The following EHBP1 variants were observed in gnomAD, a reference collection of about 807,000 sequenced individuals.
The protein encoded by EHBP1 is EH domain binding protein 1, also known as EH domain-binding protein 1.
Under a neutral mutation model 144.0 loss-of-function variants are expected in EHBP1, and 55 were observed. The ratio of observed to expected loss-of-function variants is 0.38; its 90% confidence interval spans 0.31 to 0.48. EHBP1 has a LOEUF of 0.48. Among genes scored for constraint, EHBP1 ranks in the 20% least tolerant of loss-of-function variants. The pLI is 0.98. For synonymous variants in EHBP1, 469 were observed against 472.7 expected (o/e 0.99, Z 0.10); for missense variants, 1,200 against 1,364.2 (o/e 0.88, Z 1.90).
At chr2:62,824,715 G>T (rs938975942) in intron 5 of EHBP1, among the ~76,000 whole-genome samples, 1 of 151,966 alleles carries the variant, frequency 6.6e-6, no homozygotes, top group Non-Finnish European at 1.5e-5. Flanking sequence ...TAATCTGACA[G>T]ATAAGGCCAC....
chr2:62,826,087 G>A lies in EHBP1; in HGVS notation c.313G>A (p.Glu105Lys). 1 of 1,442,182 alleles carries A rather than the reference G, an allele frequency of 6.9e-7. No individual in the cohort carries two copies. The allele number at this position is 1,442,182 out of a possible 1,614,324, so 89.3% of individuals were successfully genotyped here. A position where few individuals can be genotyped will look rare whatever the true frequency, so the allele number is the denominator to read the frequency against. ...ACTTTTTTTTTCTTTAATCTTCCAG[G>A]AATCCCCTTCTGGTCGAAGGAAAGC... ...DKEWTFVIEN[E>K]SPSGRRKALA... is the part of the protein sequence containing the mutation. The change falls in exon 6 of 23, where the codon GAA becomes AAA. Residue 105 changes from glutamate to lysine, a missense_variant and splice_region_variant. By Grantham distance (56) the Glu-to-Lys change is moderately conservative (BLOSUM62 1). Around this residue, in one of 6 missense-constraint regions of EHBP1, gnomAD observed 137 missense variants for 190.1 expected, o/e 0.72. Coordinates refer to ENST00000431489, the MANE Select transcript of EHBP1 (RefSeq NM_001142616.3).
intron 9 of EHBP1, among the ~76,000 whole-genome samples, chr2:62,867,437 C>A (rs1353713393): frequency 6.6e-6 from 1 of 151,888 alleles, no homozygotes; most frequent in Non-Finnish European, 1.5e-5. Context: ...TCTGTAGTCA[C>A]AATGAACAAT....
intron 12 of EHBP1, among the ~76,000 whole-genome samples, chr2:62,944,405 T>C (rs1482742780): frequency 6.6e-6 from 1 of 152,222 alleles, no homozygotes; most frequent in African/African-American, 2.4e-5. Context: ...CTTTTCTATG[T>C]TTAGATACAC....
At chr2:63,030,291 A>G (rs1421361680) in intron 19 of EHBP1, among the ~76,000 whole-genome samples, 1 of 152,066 alleles carries the variant, frequency 6.6e-6, no homozygotes, top group Admixed American at 6.6e-5. Flanking sequence ...TATCCAAATA[A>G]CCTAAATAAA....
intron 5 of EHBP1, among the ~76,000 whole-genome samples, chr2:62,809,869 T>C (rs911267144): frequency 1.1e-4 from 17 of 152,304 alleles, no homozygotes; most frequent in Admixed American, 1.1e-3. Flanking sequence ...TTTGCTGTCC[T>C]GTACAAAACT....
At chr2:62,936,357 CTCTT>C (rs1396792083) in intron 10 of EHBP1, among the ~76,000 whole-genome samples, 4 of 152,148 alleles carry the variant, frequency 2.6e-5, no homozygotes, top group African/African-American at 7.2e-5. Flanking sequence ...ATTTGCTTCT[CTCTT>C]TCTTGGTCAG....
chr2:62,867,446 A>G (rs1167987730), intron 9 of EHBP1, among the ~76,000 whole-genome samples: 1 of 152,172 alleles, frequency 6.6e-6, no homozygotes, highest in East Asian at 1.9e-4. Context: ...ACAATGAACA[A>G]TCAGAAATCA....
chr2:62,858,580 C>T lies in EHBP1; in HGVS notation c.635-589C>T, dbSNP rs2049263123. 5.0e-6 allele frequency: 5 copies of T among 1,003,514 alleles called. No homozygotes were observed. In the South Asian group the frequency reaches 5.6e-5, roughly 11 times the overall value. 62.2% of individuals were successfully genotyped at this position (1,003,514 alleles called of 1,614,324 possible). ...TTTACTGTGACCTGCTACCTCTTGA[C>T]TTCTGTCTGTATTTATCTGTCAGTT... On this transcript the variant is annotated intron_variant, in intron 7 of 22. Coordinates refer to ENST00000431489, the MANE Select transcript of EHBP1 (RefSeq NM_001142616.3).
intron 15 of EHBP1, among the ~76,000 whole-genome samples, chr2:62,980,014 T>C (rs928920934): frequency 6.6e-6 from 1 of 152,182 alleles, no homozygotes; most frequent in Non-Finnish European, 1.5e-5. Flanking sequence ...TTCAAAGGTA[T>C]ATAACCTACT....
At chr2:62,800,778 G>A (rs995796126) in intron 5 of EHBP1, among the ~76,000 whole-genome samples, 2 of 152,172 alleles carry the variant, frequency 1.3e-5, no homozygotes, top group Non-Finnish European at 2.9e-5. Context: ...ACAAAACAAT[G>A]TATTACAACC....
intron 6 of EHBP1, among the ~76,000 whole-genome samples, chr2:62,829,358 C>A (rs945963167): frequency 2.0e-5 from 3 of 151,660 alleles, no homozygotes; most frequent in Non-Finnish European, 4.4e-5. Context: ...CCCTCACACC[C>A]CTCCCACTCT....
At chr2:62,857,861 T>C (rs2049183318) in intron 7 of EHBP1, among the ~76,000 whole-genome samples, 1 of 151,814 alleles carries the variant, frequency 6.6e-6, no homozygotes, top group Admixed American at 6.6e-5. Flanking sequence ...ACAGATCCTA[T>C]TAAAAAAAAA....
intron 9 of EHBP1, among the ~76,000 whole-genome samples, chr2:62,866,704 A>G (rs541771110): frequency 5.9e-5 from 9 of 152,200 alleles, no homozygotes; most frequent in Non-Finnish European, 1.3e-4. Flanking sequence ...AAAGAGAGAA[A>G]GAAGAAAATA....
intron 5 of EHBP1, among the ~76,000 whole-genome samples, chr2:62,779,491 G>A (rs1250315273): frequency 6.6e-6 from 1 of 152,114 alleles, no homozygotes; most frequent in African/African-American, 2.4e-5. Flanking sequence ...CTTGCTGAAT[G>A]GCAAGAAAAT....
intron 8 of EHBP1, among the ~76,000 whole-genome samples, chr2:62,863,431 A>G (rs561363322): frequency 1.6e-4 from 24 of 152,282 alleles, no homozygotes; most frequent in Middle Eastern, 6.8e-3. Flanking sequence ...AACAGAGTGA[A>G]ACTGTGTCTC....
Position 63,006,236 on chromosome 2 carries a change from G to A in EHBP1, c.3103+9470G>A, listed in dbSNP as rs368509755. On this transcript the variant is annotated intron_variant, in intron 19 of 22. Transcript: ENST00000431489. ...GTCAGTGAAACATTTGTCCTTTTGT[G>A]GTAAGTTGATTTTTTTTTTAAATCC... 1.2e-4 allele frequency among the ~76,000 whole-genome samples: 18 copies of A among 151,816 alleles called. No homozygotes were observed. In the South Asian group the frequency reaches 3.7e-3, roughly 32 times the overall value.
At chr2:62,803,905 CA>C (rs1382981721) in intron 5 of EHBP1, among the ~76,000 whole-genome samples, 1 of 147,824 alleles carries the variant, frequency 6.8e-6, no homozygotes, top group African/African-American at 2.5e-5. Context: ...TAACCTTAGG[CA>C]AGTTTTGTAA....
intron 2 of EHBP1, among the ~76,000 whole-genome samples, chr2:62,716,876 T>C (rs1035228300): frequency 1.3e-5 from 2 of 152,210 alleles, no homozygotes; most frequent in African/African-American, 4.8e-5. Context: ...GCTGCTAAAG[T>C]GTCTGCCACC....
intron 13 of EHBP1, among the ~76,000 whole-genome samples, chr2:62,955,270 C>T (rs1483456511): frequency 6.6e-6 from 1 of 151,892 alleles, no homozygotes; most frequent in Non-Finnish European, 1.5e-5. Context: ...AGAATATGTT[C>T]TAATAAAATT....
Sources: allele counts gnomAD v4.1 joint callset (sites outside exome capture counted in the v4.1 genomes callset), GRCh38; gene constraint gnomAD v4.1.1; regional missense constraint gnomAD v4.1.1; transcripts MANE v1.5; gene names NCBI Gene and HGNC (gene_info 2026-07-23, HGNC 2026-07-21).